The following CCDC170 variants were observed in gnomAD, a reference collection of about 807,000 sequenced individuals.
The protein encoded by CCDC170 is coiled-coil domain-containing protein 170.
Under a neutral mutation model 72.6 loss-of-function variants are expected in CCDC170, and 69 were observed. That is an observed-to-expected ratio of 0.95 (90% CI 0.78 to 1.16). The LOEUF is 1.16. Among genes scored for constraint, CCDC170 ranks in the 50% most tolerant of loss-of-function variants. CCDC170 has a pLI of 0.00. For synonymous variants in CCDC170, 300 were observed against 303.9 expected (o/e 0.99, Z 0.13); for missense variants, 852 against 832.5 (o/e 1.02, Z -0.29).
At chr6:151,572,433 G>C (rs1776231041) in intron 5 of CCDC170, among the ~76,000 whole-genome samples, 1 of 152,144 alleles carries the variant, frequency 6.6e-6, no homozygotes, top group African/African-American at 2.4e-5. Flanking sequence ...AGGACTCTGA[G>C]AGCTTACTGT....
At chr6:151,525,344 CA>C (rs1398206078) in intron 1 of CCDC170, among the ~76,000 whole-genome samples, 1 of 152,192 alleles carries the variant, frequency 6.6e-6, no homozygotes, top group Non-Finnish European at 1.5e-5. Flanking sequence ...CGTATACATC[CA>C]GATGGCCTGA....
chr6:151,556,184 G>A (rs1401230309), intron 5 of CCDC170, among the ~76,000 whole-genome samples: 2 of 152,198 alleles, frequency 1.3e-5, no homozygotes, highest in Non-Finnish European at 2.9e-5. Flanking sequence ...GGCCAGCTGT[G>A]GTGGCTCACG....
intron 2 of CCDC170, among the ~76,000 whole-genome samples, chr6:151,536,670 G>C (rs1005580044): frequency 2.7e-5 from 4 of 150,586 alleles, no homozygotes; most frequent in African/African-American, 7.4e-5. Flanking sequence ...AGCTGCTCGA[G>C]AGGCTGAGGC....
At chr6:151,596,879 T>A (rs1450630146) in intron 9 of CCDC170, among the ~76,000 whole-genome samples, 4 of 152,174 alleles carry the variant, frequency 2.6e-5, no homozygotes, top group Non-Finnish European at 5.9e-5. Flanking sequence ...CAGGCTAGAG[T>A]GCAATGACGT....
intron 5 of CCDC170, among the ~76,000 whole-genome samples, chr6:151,569,280 T>A (rs1776184517): frequency 6.6e-6 from 1 of 152,190 alleles, no homozygotes; most frequent in Admixed American, 6.5e-5. Context: ...ATCAATTGTG[T>A]TTTTAAAACG....
intron 3 of CCDC170, among the ~76,000 whole-genome samples, chr6:151,542,528 A>G (rs1355628270): frequency 6.6e-6 from 1 of 152,260 alleles, no homozygotes; most frequent in East Asian, 1.9e-4. Flanking sequence ...AGCCTAGTAC[A>G]TAATTTTAAA....
At position 151,499,632 on chromosome 6, in the gene CCDC170, T is replaced by TGC. The variant is rs1562820310; in HGVS notation, c.57+5447_57+5448insGC. On this transcript the variant is annotated intron_variant, in intron 1 of 10. Coordinates refer to ENST00000239374, the MANE Select transcript of CCDC170 (RefSeq NM_025059.4). The stretch of plus-strand genomic sequence containing the variant: ...ATTTGACTATTTTAGGCACGCTGCA[T>TGC]AAGTGGAATCATGCTGTATTTGACT... 5.5e-4 allele frequency among the ~76,000 whole-genome samples: 63 copies of TGC among 113,850 alleles called. 5 individuals are homozygous for TGC. The Middle Eastern group carries it at 0.015, about 28-fold the overall frequency. The allele number at this position is 113,850 out of a possible 152,430, so 74.7% of individuals were successfully genotyped here.
chr6:151,575,749 C>T lies in CCDC170; in HGVS notation c.1092+2258C>T, dbSNP rs980861578. 4.6e-5 allele frequency among the ~76,000 whole-genome samples: 7 copies of T among 151,720 alleles called. No homozygotes were observed. The East Asian group carries it at 5.9e-4, about 13-fold the overall frequency. On this transcript the variant is annotated intron_variant, in intron 6 of 10. Transcript: ENST00000239374. ...TTCACCATGTTGGCCAGGATGGTCT[C>T]GATCTCTTGACCTTGTGATCCACCC...
intron 1 of CCDC170, among the ~76,000 whole-genome samples, chr6:151,505,446 G>C (rs1268956675): frequency 6.6e-6 from 1 of 152,106 alleles, no homozygotes; most frequent in East Asian, 1.9e-4. Flanking sequence ...CACTTTGGGA[G>C]GCCGAGGTGG....
At chr6:151,574,514 A>G (rs1776273971) in intron 6 of CCDC170, among the ~76,000 whole-genome samples, 1 of 152,182 alleles carries the variant, frequency 6.6e-6, no homozygotes, top group African/African-American at 2.4e-5. Flanking sequence ...CAGAGCTTAG[A>G]AAGGTAATGC....
Position 151,527,956 on chromosome 6 carries a change from G to T in CCDC170, c.58-8362G>T, listed in dbSNP as rs184843197. ...TACCATAGTAGCAAGACTGGCCCAA[G>T]ACATTGTCCCCAGGTCAGATAATTT... On this transcript the variant is annotated intron_variant, in intron 1 of 10. Transcript: ENST00000239374. Among the ~76,000 whole-genome samples the T allele has an allele frequency of 1.4e-4, 21 of 152,272 alleles. No individual in the cohort carries two copies. In the East Asian group the frequency reaches 3.9e-3, roughly 28 times the overall value.
At chr6:151,571,476 C>T (rs969607684) in intron 5 of CCDC170, among the ~76,000 whole-genome samples, 1 of 152,032 alleles carries the variant, frequency 6.6e-6, no homozygotes, top group East Asian at 1.9e-4. Flanking sequence ...GCCTGTAATC[C>T]CAGCACTTTG....
chr6:151,533,238 T>G (rs1175470089), intron 1 of CCDC170, among the ~76,000 whole-genome samples: 11 of 151,528 alleles, frequency 7.3e-5, no homozygotes, highest in Admixed American at 1.3e-4. Context: ...TTATTTTTAG[T>G]AGAGACGGGG....
chr6:151,514,202 G>A (rs568664401), intron 1 of CCDC170, among the ~76,000 whole-genome samples: 40 of 151,722 alleles, frequency 2.6e-4, no homozygotes, highest in African/African-American at 8.9e-4. Context: ...CTGGGAGGTT[G>A]AGATAAGACG....
chr6:151,513,048 T>A (rs1456260692), intron 1 of CCDC170, among the ~76,000 whole-genome samples: 1 of 152,186 alleles, frequency 6.6e-6, no homozygotes, highest in Non-Finnish European at 1.5e-5. Context: ...GAAACAACTT[T>A]CCTCATCCTA....
intron 1 of CCDC170, among the ~76,000 whole-genome samples, chr6:151,509,930 C>T (rs1196498672): frequency 6.6e-6 from 1 of 152,146 alleles, no homozygotes; most frequent in Non-Finnish European, 1.5e-5. Context: ...CCAGACCAGC[C>T]TGGCCAACAT....
At chr6:151,566,093 A>G (rs1776133032) in intron 5 of CCDC170, among the ~76,000 whole-genome samples, 1 of 152,202 alleles carries the variant, frequency 6.6e-6, no homozygotes, top group Non-Finnish European at 1.5e-5. Flanking sequence ...TGATTTTGTC[A>G]ATGTTGAGAA....
chr6:151,586,482 A>G (rs1429720891), intron 7 of CCDC170, among the ~76,000 whole-genome samples: 4 of 152,240 alleles, frequency 2.6e-5, no homozygotes, highest in African/African-American at 9.6e-5. Flanking sequence ...AAGATTTTAT[A>G]GGAGAGGAGA....
intron 1 of CCDC170, among the ~76,000 whole-genome samples, chr6:151,528,234 T>C (rs1461536471): frequency 6.6e-6 from 1 of 152,164 alleles, no homozygotes; most frequent in Non-Finnish European, 1.5e-5. Flanking sequence ...TGGATGAGTT[T>C]TTATTTAATC....
Sources: gnomAD v4.1 joint callset for allele counts (sites outside exome capture counted in the v4.1 genomes callset) on GRCh38, gnomAD v4.1.1 for gene constraint, MANE v1.5 for transcripts, NCBI Gene and HGNC (gene_info 2026-07-23, HGNC 2026-07-21) for gene names.